The following UBR3 variants were observed in gnomAD, a reference collection of about 807,000 sequenced individuals.
UBR3 encodes the protein E3 ubiquitin-protein ligase UBR3.
UBR3 carries 85 observed loss-of-function variants against 243.2 expected under a neutral mutation model. The observed-to-expected ratio is 0.35, with a 90% CI of 0.29 to 0.42. The LOEUF is 0.42. Among genes scored for constraint, UBR3 ranks in the 10% least tolerant of loss-of-function variants. The pLI is 1.00. For synonymous variants in UBR3, 748 were observed against 799.8 expected, an observed-to-expected ratio of 0.94 and a Z score of 1.09; for missense variants, 1,686 against 2,300.8, an observed-to-expected ratio of 0.73 and a Z score of 5.47.
chr2:170,056,003 C>CTTTTTTTT (rs34415442), intron 33 of UBR3, among the ~76,000 whole-genome samples: 320 of 88,840 alleles, frequency 3.6e-3, no homozygotes, highest in East Asian at 5.1e-3. Flanking sequence ...TCTTTTCTTT[C>CTTTTTTTT]TTTTTTTTTT....
intron 17 of UBR3, among the ~76,000 whole-genome samples, chr2:169,928,211 T>G (rs1415341586): frequency 6.6e-6 from 1 of 152,192 alleles, no homozygotes; most frequent in Non-Finnish European, 1.5e-5. Context: ...TCTGTGTCTT[T>G]CAATTTTAAA....
rs371694778 is a variant in UBR3 at position 169,906,059 on chromosome 2, C to G, written c.1674C>G (p.Asn558Lys). ...QGMNLNKRELNEHVEFESQTY... is the reference protein window; with the variant it reads ...QGMNLNKRELKEHVEFESQTY... ...TGAACTTAAACAAGCGAGAACTAAA[C>G]GAGCATGTGGAATTTGAGTCTCAGA... Residue 558 changes from asparagine to lysine, a missense_variant, in exon 10 of 39, where the codon AAC (asparagine) becomes AAG (lysine). By Grantham distance (94) the Asn-to-Lys change is moderately conservative (BLOSUM62 0). Around this residue, in one of 8 missense-constraint regions of UBR3, gnomAD observed 346 missense variants for 585.8 expected, o/e 0.59. Coordinates refer to ENST00000272793, the MANE Select transcript of UBR3 (RefSeq NM_172070.4). 1 of 1,551,498 alleles carries G rather than the reference C, an allele frequency of 6.4e-7. No homozygotes were observed. The highest frequency in any genetic ancestry group is 1.4e-5 in the African/African-American group (1 of 73,138).
intron 34 of UBR3, 42 bp from the exon 35 acceptor site, chr2:170,061,276 T>C: frequency 1.9e-6 from 3 of 1,594,268 alleles, no homozygotes; most frequent in Admixed American, 1.8e-5. Context: ...AAAAACTCTT[T>C]ATTGTAGACT....
intron 1 of UBR3, among the ~76,000 whole-genome samples, chr2:169,866,760 A>G (rs2083279771): frequency 6.6e-6 from 1 of 152,188 alleles, no homozygotes; most frequent in African/African-American, 2.4e-5. Context: ...CAGATGTGGA[A>G]AATAGTATTT....
chr2:169,956,994 G>T (rs1040558711), intron 23 of UBR3, among the ~76,000 whole-genome samples: 5 of 152,108 alleles, frequency 3.3e-5, no homozygotes, highest in African/African-American at 1.2e-4. Context: ...TTATGGGTAT[G>T]ACACAAAGGA....
rs557035802 is a variant in UBR3 at position 169,909,697 on chromosome 2, T to C, written c.1779+3533T>C. Among the ~76,000 whole-genome samples the C allele has an allele frequency of 2.0e-5, 3 of 152,128 alleles. No individual in the cohort carries two copies. The East Asian group carries it at 5.8e-4, about 29-fold the overall frequency. On this transcript the variant is annotated intron_variant, in intron 10 of 38. Coordinates refer to ENST00000272793, the MANE Select transcript of UBR3 (RefSeq NM_172070.4). ...ATAAATGTCTGAGGTGATGGATATG[T>C]TAATTAGCTTGATATACCCATCCCA...
At chr2:170,036,675 T>G (rs1335316563) in intron 31 of UBR3, among the ~76,000 whole-genome samples, 5 of 152,160 alleles carry the variant, frequency 3.3e-5, no homozygotes, top group Non-Finnish European at 7.4e-5. Context: ...TCTGGACCTC[T>G]GTCCATTTTC....
chr2:169,930,444 T>C (rs1453285715), intron 18 of UBR3, among the ~76,000 whole-genome samples: 1 of 152,026 alleles, frequency 6.6e-6, no homozygotes, highest in Non-Finnish European at 1.5e-5. Flanking sequence ...TGGAGTGCAG[T>C]GGCGCCATCA....
Position 169,972,810 on chromosome 2 carries a change from A to G in UBR3, c.3635-13835A>G, listed in dbSNP as rs1177709563. Among the ~76,000 whole-genome samples the G allele has an allele frequency of 4.6e-5, 7 of 152,020 alleles. No homozygotes were observed. The East Asian group carries it at 1.4e-3, about 29-fold the overall frequency. On this transcript the variant is annotated intron_variant, in intron 24 of 38. Transcript: ENST00000272793. ...ATGACAAACCCACAGCCAATATCAT[A>G]CTGAATGAGCAAAAACTGGAAGCAT...
chr2:169,961,227 C>T (rs980050149), intron 24 of UBR3, among the ~76,000 whole-genome samples: 6 of 152,002 alleles, frequency 3.9e-5, no homozygotes, highest in Non-Finnish European at 7.4e-5. Context: ...TCCAGGCATG[C>T]CTTATAGCTA....
intron 32 of UBR3, among the ~76,000 whole-genome samples, chr2:170,049,064 A>G (rs2091156689): frequency 6.6e-6 from 1 of 152,080 alleles, no homozygotes; most frequent in Non-Finnish European, 1.5e-5. Context: ...GTCCCCCTTT[A>G]CTTCTCCACT....
At chr2:169,853,567 C>CATGA (rs2082736329) in intron 1 of UBR3, among the ~76,000 whole-genome samples, 1 of 151,992 alleles carries the variant, frequency 6.6e-6, no homozygotes, top group Non-Finnish European at 1.5e-5. Context: ...TCTCCTGCTT[C>CATGA]AGCCTCCTGA....
chr2:170,017,546 G>GACACACACACACAC (rs34813217), intron 30 of UBR3, among the ~76,000 whole-genome samples: 4 of 125,756 alleles, frequency 3.2e-5, no homozygotes, highest in African/African-American at 1.0e-4. Context: ...CACACACACA[G>GACACACACACACAC]ACACACACAC....
chr2:169,953,992 C>T, intron 23 of UBR3, among the ~76,000 whole-genome samples: 1 of 152,014 alleles, frequency 6.6e-6, no homozygotes, highest in Non-Finnish European at 1.5e-5. Flanking sequence ...AAATATTTGT[C>T]CTTTGAGGAT....
At chr2:170,038,840 C>T (rs1033224653) in intron 31 of UBR3, among the ~76,000 whole-genome samples, 25 of 151,924 alleles carry the variant, frequency 1.6e-4, no homozygotes, top group Non-Finnish European at 2.4e-4. Flanking sequence ...GTGGCAGAAA[C>T]AGCAATTACT....
At chr2:169,891,259 C>G in intron 6 of UBR3, 28 bp downstream of exon 6, 1 of 1,516,296 alleles carries the variant, frequency 6.6e-7, no homozygotes. Flanking sequence ...TATTTTTTTC[C>G]TTGAATAAAA....
intron 36 of UBR3, 31 bp from the exon 37 acceptor site, chr2:170,079,783 A>C: frequency 6.4e-7 from 1 of 1,569,362 alleles, no homozygotes; most frequent in Non-Finnish European, 8.7e-7. Context: ...AAATACATAA[A>C]ACTAATGAAT....
intron 1 of UBR3, among the ~76,000 whole-genome samples, chr2:169,841,917 G>C (rs1293983180): frequency 1.3e-5 from 2 of 152,356 alleles, no homozygotes; most frequent in East Asian, 3.9e-4. Flanking sequence ...TGAGGAATGC[G>C]AGCGCACGGC....
chr2:169,895,045 T>C, intron 6 of UBR3, 136 bp from the exon 7 acceptor site: 1 of 779,216 alleles, frequency 1.3e-6, no homozygotes, highest in East Asian at 3.4e-5. Context: ...ATCTAGCTTG[T>C]CAATATTATT....
Sources: allele counts gnomAD v4.1 joint callset (sites outside exome capture counted in the v4.1 genomes callset), GRCh38; gene constraint gnomAD v4.1.1; regional missense constraint gnomAD v4.1.1; transcripts MANE v1.5; gene names NCBI Gene and HGNC (gene_info 2026-07-23, HGNC 2026-07-21).